ARID2: variants seen among roughly 807,000 people sequenced by gnomAD.
ARID2 encodes the protein AT-rich interaction domain 2.
ARID2 carries 32 observed loss-of-function variants against 184.6 expected under a neutral mutation model. That is an observed-to-expected ratio of 0.17 (90% CI 0.13 to 0.23). ARID2 has a LOEUF of 0.23. Ranked by LOEUF, ARID2 falls within the 10% of genes least tolerant of loss-of-function variation. The probability of loss-of-function intolerance (pLI) is 1.00; values close to 1 mark genes in which losing one functional copy is unlikely to be tolerated. For missense variants in ARID2, 1,696 were observed against 2,197.6 expected (o/e 0.77, Z 4.56); for synonymous variants, 836 against 772.6 (o/e 1.08, Z -1.36).
rs1206465845 is a variant in ARID2 at position 45,852,460 on chromosome 12, A to G, written c.4337A>G (p.Asp1446Gly). The change falls in exon 15 of 21, where the codon GAT becomes GGT. Residue 1446 changes from aspartate to glycine, a missense_variant. By Grantham distance (94) the Asp-to-Gly change is moderately conservative. This residue lies in a region of ARID2 where 428 missense variants were observed against 409.1 expected (regional missense o/e 1.05). Transcript: ENST00000334344. Reference sequence around the variant, plus strand: ...GCAACACAGCAATTTAGTGGTACTGATTTGCTTAATGGACCTCTAGCTTCA... The same window carrying G: ...GCAACACAGCAATTTAGTGGTACTGGTTTGCTTAATGGACCTCTAGCTTCA... ...NAATQQFSGT[D>G]LLNGPLASSL... The G allele has an allele frequency of 1.9e-6, 3 of 1,614,034 alleles. No homozygotes were observed. The African/African-American group carries it at 4.0e-5, about 22-fold the overall frequency.
intron 6 of ARID2, among the ~76,000 whole-genome samples, chr12:45,832,112 T>C (rs1047093795): frequency 1.3e-5 from 2 of 152,190 alleles, no homozygotes; most frequent in Admixed American, 1.3e-4. Context: ...TAGTTGAGTT[T>C]AGGCTCTCAA....
chr12:45,856,121 C>G (rs1276338075), intron 15 of ARID2, among the ~76,000 whole-genome samples: 2 of 122,016 alleles, frequency 1.6e-5, no homozygotes, highest in African/African-American at 6.3e-5. Context: ...GTTGCGTAGG[C>G]TGGAGTGCGG....
intron 10 of ARID2, among the ~76,000 whole-genome samples, chr12:45,839,024 A>G (rs1943279389): frequency 6.6e-6 from 1 of 150,734 alleles, no homozygotes; most frequent in Non-Finnish European, 1.5e-5. Flanking sequence ...ATGCCCGGCT[A>G]ATTTTTTTTT....
intron 16 of ARID2, among the ~76,000 whole-genome samples, chr12:45,876,486 G>T (rs561081571): frequency 2.6e-5 from 4 of 151,654 alleles, no homozygotes; most frequent in Admixed American, 1.3e-4. Flanking sequence ...GAAGGTGGAG[G>T]TTGCGGTGAG....
At chr12:45,770,977 C>G (rs970443843) in intron 3 of ARID2, among the ~76,000 whole-genome samples, 2 of 152,032 alleles carry the variant, frequency 1.3e-5, no homozygotes, top group South Asian at 4.1e-4. Context: ...TTGACTGCCT[C>G]CTGTCACTAC....
intron 6 of ARID2, among the ~76,000 whole-genome samples, chr12:45,828,743 G>A (rs1038579138): frequency 2.6e-5 from 4 of 151,940 alleles, no homozygotes; most frequent in Admixed American, 2.0e-4. Flanking sequence ...TGGCAATTTT[G>A]ATAGCTTCTT....
chr12:45,752,021 G>T (rs1040904534), intron 3 of ARID2, among the ~76,000 whole-genome samples: 1 of 152,066 alleles, frequency 6.6e-6, no homozygotes, highest in African/African-American at 2.4e-5. Context: ...AAACTTTGAG[G>T]ACTTTAATTA....
At chr12:45,872,253 T>C (rs1043003170) in intron 16 of ARID2, among the ~76,000 whole-genome samples, 1 of 152,176 alleles carries the variant, frequency 6.6e-6, no homozygotes, top group Admixed American at 6.5e-5. Flanking sequence ...AGTATATAAG[T>C]TCAATGCTAA....
At chr12:45,842,868 A>G (rs1031122674) in intron 11 of ARID2, among the ~76,000 whole-genome samples, 4 of 152,164 alleles carry the variant, frequency 2.6e-5, no homozygotes, top group Non-Finnish European at 4.4e-5. Context: ...ATATCTCTCA[A>G]TGACTATTAC....
intron 3 of ARID2, among the ~76,000 whole-genome samples, chr12:45,757,403 C>T (rs537323339): frequency 2.6e-5 from 4 of 152,308 alleles, no homozygotes; most frequent in Non-Finnish European, 4.4e-5. Context: ...CCCTAGCATA[C>T]GTATCACTCA....
At chr12:45,815,135 A>G (rs1942783069) in intron 4 of ARID2, among the ~76,000 whole-genome samples, 1 of 152,338 alleles carries the variant, frequency 6.6e-6, no homozygotes, top group South Asian at 2.1e-4. Flanking sequence ...ACTGCGACAG[A>G]TAAGGAATAC....
rs143722870 is a variant in ARID2 at position 45,878,776 on chromosome 12, G to T, written c.4923-13004G>T. Among the ~76,000 whole-genome samples, 1,383 of 152,112 alleles carry T rather than the reference G, an allele frequency of 9.1e-3. 22 individuals are homozygous for T. Among genetic ancestry groups the T allele is most frequent in the African/African-American group, 0.03 (1,265 of 41,506 alleles). On this transcript the variant is annotated intron_variant, in intron 16 of 20. Transcript: ENST00000334344. ...GACCGTGTGTGTGGTGGTGGGCGGGGGTTGTTTGTTTTTATACTTTTGGCG... is the reference window on the plus strand; with the variant it reads ...GACCGTGTGTGTGGTGGTGGGCGGGTGTTGTTTGTTTTTATACTTTTGGCG...
intron 20 of ARID2, among the ~76,000 whole-genome samples, chr12:45,901,220 G>C (rs1944454465): frequency 8.7e-6 from 1 of 115,204 alleles, no homozygotes; most frequent in Admixed American, 1.2e-4. Context: ...GCCCAGGCTG[G>C]AATGCAGTGG....
intron 6 of ARID2, among the ~76,000 whole-genome samples, chr12:45,834,852 T>G (rs746055080): frequency 5.3e-5 from 8 of 152,218 alleles, no homozygotes; most frequent in Non-Finnish European, 1.2e-4. Flanking sequence ...ACAGCTTTTT[T>G]CTTTTTTTAT....
chr12:45,899,203 C>T (rs779623906), intron 20 of ARID2, among the ~76,000 whole-genome samples: 36 of 126,574 alleles, frequency 2.8e-4, no homozygotes, highest in Non-Finnish European at 3.8e-4. Context: ...ACCCGTAAGG[C>T]GGAGGTTGCG....
chr12:45,901,671 G>A (rs890592871), intron 20 of ARID2, among the ~76,000 whole-genome samples: 5 of 151,222 alleles, frequency 3.3e-5, no homozygotes, highest in South Asian at 4.2e-4. Context: ...CTTATCCTCC[G>A]CCCCCCAAGA....
chr12:45,871,872 A>C (rs984471782), intron 16 of ARID2, among the ~76,000 whole-genome samples: 1 of 152,188 alleles, frequency 6.6e-6, no homozygotes, highest in African/African-American at 2.4e-5. Context: ...GGCCGATTTC[A>C]TCTAAGTTAT....
At position 45,860,920 on chromosome 12, in the gene ARID2, C is replaced by T. The variant is rs763174624; in HGVS notation, c.4893C>T (p.Asn1631=). 33 of 1,594,660 alleles carry T rather than the reference C, an allele frequency of 2.1e-5. No homozygotes were observed. Among genetic ancestry groups the T allele is most frequent in the Non-Finnish European group, 2.6e-5 (31 of 1,170,804 alleles). The part of the protein sequence containing the change: ...PGDPMRKPGQ[N]FMCLWQSCKK... ...ATCCAATGAGAAAACCTGGACAGAACTTCATGTGTCTGTGGCAGTCTTGTA... is the reference window on the plus strand; with the variant it reads ...ATCCAATGAGAAAACCTGGACAGAATTTCATGTGTCTGTGGCAGTCTTGTA... Residue 1631 remains asparagine, a synonymous_variant, in exon 16 of 21, where the codon AAC becomes AAT. Transcript: ENST00000334344.
At chr12:45,766,542 C>A (rs540000936) in intron 3 of ARID2, among the ~76,000 whole-genome samples, 7 of 151,374 alleles carry the variant, frequency 4.6e-5, no homozygotes, top group African/African-American at 1.5e-4. Flanking sequence ...GAGACAGAAT[C>A]TTGCTCTGTC....
Sources: allele counts gnomAD v4.1 joint callset (sites outside exome capture counted in the v4.1 genomes callset), GRCh38; gene constraint gnomAD v4.1.1; regional missense constraint gnomAD v4.1.1; transcripts MANE v1.5; gene names NCBI Gene and HGNC (gene_info 2026-07-23, HGNC 2026-07-21).